Variants in PTGES3 observed in about 807,000 individuals in gnomAD.
PTGES3 encodes the protein prostaglandin E synthase 3, also known as Hsp90 co-chaperone.
A neutral mutation model predicts 29.9 loss-of-function variants in PTGES3; 5 were observed. The observed-to-expected ratio is 0.17, with a 90% CI of 0.09 to 0.35. The LOEUF is 0.35. PTGES3 is among the 10% of genes least tolerant of loss of function. The pLI, the probability that PTGES3 is intolerant of heterozygous loss-of-function variation, is 1.00. For synonymous variants in PTGES3, 49 were observed against 57.8 expected (o/e 0.85, Z 0.69); for missense variants, 128 against 190.0 (o/e 0.67, Z 1.92).
At chr12:56,687,962 C>G in intron 1 of PTGES3, 36 bp downstream of exon 1, 8 of 1,603,040 alleles carry the variant, frequency 5.0e-6, no homozygotes, top group Non-Finnish European at 6.8e-6. Context: ...CTCGGCCTCA[C>G]TCGGCGACCT....
Position 56,663,434 on chromosome 12 carries a change from T to C in PTGES3, c.*1045A>G, listed in dbSNP as rs536931575. The C allele has an allele frequency of 1.3e-5, 2 of 152,368 alleles. No individual in the cohort carries two copies. Among genetic ancestry groups the C allele is most frequent in the East Asian group, 3.9e-4 (2 of 5,194 alleles). The allele number at this position is 152,368 out of a possible 1,614,324, so 9.4% of individuals were successfully genotyped here. ...ACTGCTGCAAAGTGCATCTACAATA[T>C]GCTATTACAGATCCACTTTTAAAAG... is the stretch of plus-strand genomic sequence containing the variant. On this transcript the variant is annotated 3_prime_UTR_variant, in exon 8 of 8. Coordinates refer to ENST00000262033, the MANE Select transcript of PTGES3 (RefSeq NM_006601.7).
At chr12:56,685,462 G>A (rs372010350) in intron 1 of PTGES3, among the ~76,000 whole-genome samples, 124 of 146,956 alleles carry the variant, frequency 8.4e-4, no homozygotes, top group African/African-American at 3.0e-3. Context: ...GTACAGTGGC[G>A]CAATCGCCGC....
At chr12:56,667,198 G>A (rs944977838) in intron 5 of PTGES3, among the ~76,000 whole-genome samples, 9 of 152,200 alleles carry the variant, frequency 5.9e-5, no homozygotes, top group Admixed American at 3.9e-4. Context: ...GGGATTACAG[G>A]AGCAAGCCAC....
At position 56,683,473 on chromosome 12, in the gene PTGES3, CAAAAAAAA is replaced by C. The variant is rs71081388; in HGVS notation, c.2+4517_2+4524del. Among the ~76,000 whole-genome samples the C allele has an allele frequency of 1.8e-3, 55 of 29,758 alleles. 3 individuals carry two copies. The highest frequency in any genetic ancestry group is 0.01 in the East Asian group (6 of 584). 19.5% of individuals were successfully genotyped at this position (29,758 alleles called of 152,430 possible). On this transcript the variant is annotated intron_variant, in intron 1 of 7. Coordinates refer to ENST00000262033, the MANE Select transcript of PTGES3 (RefSeq NM_006601.7). ...GGGCAACAAGAGAGAAACTCTGTCT[CAAAAAAAA>C]AAAAAAAAAAAAAAAAAAAATTAGC...
intron 1 of PTGES3, 132 bp from the exon 2 acceptor site, chr12:56,673,197 C>G (rs946948725): frequency 3.9e-5 from 22 of 566,444 alleles, no homozygotes; most frequent in South Asian, 1.9e-4. Flanking sequence ...TACATTTTTA[C>G]CCTAACAGCT....
At chr12:56,665,621 C>G (rs1015635570) in intron 6 of PTGES3, 28 of 985,268 alleles carry the variant, frequency 2.8e-5, no homozygotes, top group Non-Finnish European at 3.0e-5. Context: ...CTTTCTTAGT[C>G]AAAATCATAC....
At chr12:56,678,302 T>C (rs1222748454) in intron 1 of PTGES3, among the ~76,000 whole-genome samples, 1 of 151,962 alleles carries the variant, frequency 6.6e-6, no homozygotes, top group Non-Finnish European at 1.5e-5. Context: ...CTCAGTCCCT[T>C]GAGTAGCTGG....
At chr12:56,677,331 C>T (rs1952303292) in intron 1 of PTGES3, among the ~76,000 whole-genome samples, 1 of 151,826 alleles carries the variant, frequency 6.6e-6, no homozygotes, top group Non-Finnish European at 1.5e-5. Flanking sequence ...GTGGAAACTA[C>T]CACATAAAAT....
In PTGES3 at chr12:56,664,505, G is replaced by T; in HGVS notation, c.464-7C>A. 6 of 1,588,974 alleles carry T rather than the reference G, an allele frequency of 3.8e-6. No individual in the cohort carries two copies. The highest frequency in any genetic ancestry group is 1.4e-5 in the African/African-American group (1 of 70,932). On this transcript the variant is annotated splice_polypyrimidine_tract_variant and splice_region_variant and intron_variant, in intron 7 of 7. Coordinates refer to ENST00000262033, the MANE Select transcript of PTGES3 (RefSeq NM_006601.7). ...TACTCCAGATCTGGCATTTCTGAAA[G>T]AATTTTTAAAAATATTAGTATATAG...
At position 56,688,038 on chromosome 12, in the gene PTGES3, G is replaced by A. The variant is rs1182412518; in HGVS notation, c.-39C>T. 1 of 1,509,844 alleles carries A rather than the reference G, an allele frequency of 6.6e-7. No homozygotes were observed. Among genetic ancestry groups the A allele is most frequent in the Non-Finnish European group, 8.9e-7 (1 of 1,128,258 alleles). 93.5% of individuals were successfully genotyped at this position (1,509,844 alleles called of 1,614,324 possible). ...GGGGGACGGGCGAACTGGTGGGCGG[G>A]CCTCTCTGGCGGCGGCTGCTGCTAG... On this transcript the variant is annotated 5_prime_UTR_variant, in exon 1 of 8. Transcript: ENST00000262033.
rs1267406053 is a variant in PTGES3 at position 56,685,704 on chromosome 12, A to G, written c.2+2294T>C. On this transcript the variant is annotated intron_variant, in intron 1 of 7. Transcript: ENST00000262033. ...AGTGAGCCACCCCGCCCGGCATGAA[A>G]GTAGCATTTTTATTTTTTAACTAGA... Among the ~76,000 whole-genome samples, 3 of 150,000 alleles carry G rather than the reference A, an allele frequency of 2.0e-5. No individual in the cohort carries two copies. In the East Asian group the frequency reaches 6.0e-4, roughly 30 times the overall value.
At chr12:56,664,672 A>G (rs1188116468) in intron 7 of PTGES3, 104 bp downstream of exon 7, 24 of 1,449,242 alleles carry the variant, frequency 1.7e-5, no homozygotes, top group Non-Finnish European at 1.9e-5. Context: ...TCAAGGTCAT[A>G]AAGAAAAAAT....
chr12:56,687,520 G>A, intron 1 of PTGES3: 13 of 1,001,300 alleles, frequency 1.3e-5, no homozygotes, highest in Non-Finnish European at 1.4e-5. Flanking sequence ...CGAGGTCCGC[G>A]TGGGGCTCTC....
intron 6 of PTGES3, chr12:56,665,132 G>A: frequency 1.0e-6 from 1 of 985,248 alleles, no homozygotes; most frequent in Non-Finnish European, 1.2e-6. Flanking sequence ...AGAAGACAGT[G>A]AACTCTAATC....
rs375376163 is a variant in PTGES3, at chr12:56,676,217, C to G, written c.3-3152G>C. The stretch of plus-strand genomic sequence containing the variant: ...CTACAGCCTGGGCAACAGAGAGAGG[C>G]TGTGTCTCCCCCCCCAAAAAAAAAA... On this transcript the variant is annotated intron_variant, in intron 1 of 7. Transcript: ENST00000262033. Among the ~76,000 whole-genome samples the G allele has an allele frequency of 4.3e-5, 5 of 114,962 alleles. No individual in the cohort carries two copies. In the South Asian group the frequency reaches 1.5e-3, roughly 36 times the overall value. The allele number at this position is 114,962 out of a possible 152,430, so 75.4% of individuals were successfully genotyped here. A position where few individuals can be genotyped will look rare whatever the true frequency, so the allele number is the denominator to read the frequency against.
chr12:56,679,615 T>A (rs1471474655), intron 1 of PTGES3, among the ~76,000 whole-genome samples: 1 of 152,098 alleles, frequency 6.6e-6, no homozygotes, highest in Non-Finnish European at 1.5e-5. Flanking sequence ...AAATCCAGTA[T>A]AATTAGTTTA....
chr12:56,665,684 C>T, intron 6 of PTGES3: 1 of 962,828 alleles, frequency 1.0e-6, no homozygotes, highest in Non-Finnish European at 1.2e-6. Context: ...CTCTGCTGCC[C>T]ACACTGGAGT....
chr12:56,680,819 T>C (rs985449829), intron 1 of PTGES3, among the ~76,000 whole-genome samples: 2 of 151,766 alleles, frequency 1.3e-5, no homozygotes, highest in Admixed American at 6.6e-5. Context: ...TGCTTTGTCA[T>C]TCAGGCTGGA....
rs539758956 is a variant in PTGES3 at position 56,683,993 on chromosome 12, A to C, written c.2+4005T>G. ...AAAACAAAAAAAACAAACAAAAAAAACCCCAAAACTGTAATTGCCGATCCA... is the reference window on the plus strand; with the variant it reads ...AAAACAAAAAAAACAAACAAAAAAACCCCCAAAACTGTAATTGCCGATCCA... On this transcript the variant is annotated intron_variant, in intron 1 of 7. Coordinates refer to ENST00000262033, the MANE Select transcript of PTGES3 (RefSeq NM_006601.7). 1.7e-3 allele frequency among the ~76,000 whole-genome samples: 254 copies of C among 151,940 alleles called. 1 individual carries two copies. Among genetic ancestry groups the C allele is most frequent in the African/African-American group, 4.0e-3 (166 of 41,460 alleles).
Sources: gnomAD v4.1 joint callset for allele counts (sites outside exome capture counted in the v4.1 genomes callset) on GRCh38, gnomAD v4.1.1 for gene constraint, MANE v1.5 for transcripts, NCBI Gene and HGNC (gene_info 2026-07-23, HGNC 2026-07-21) for gene names.